Variants in KIAA0825 observed in about 807,000 individuals in gnomAD.
KIAA0825 encodes KIAA0825.
KIAA0825 carries 119 observed loss-of-function variants against 147.6 expected under a neutral mutation model. The ratio of observed to expected loss-of-function variants is 0.81; its 90% CI spans 0.69 to 0.94. The LOEUF (loss-of-function observed/expected upper bound fraction) is 0.94. KIAA0825 is among the 40% of genes least tolerant of loss of function. KIAA0825 has a pLI of 0.00. For synonymous variants in KIAA0825, 470 were observed against 518.1 expected (o/e 0.91, Z 1.26); for missense variants, 1,381 against 1,472.7 (o/e 0.94, Z 1.02).
intron 20 of KIAA0825, among the ~76,000 whole-genome samples, chr5:94,244,887 A>G (rs1775528564): frequency 6.6e-6 from 1 of 152,180 alleles, no homozygotes; most frequent in Non-Finnish European, 1.5e-5. Context: ...TTACATTTAC[A>G]TGGGGTACAT....
intron 13 of KIAA0825, among the ~76,000 whole-genome samples, chr5:94,450,105 A>C (rs1293224486): frequency 6.6e-6 from 1 of 151,982 alleles, no homozygotes; most frequent in Non-Finnish European, 1.5e-5. Flanking sequence ...ATAATTAATA[A>C]AATTAAATTA....
chr5:94,601,947 G>A (rs1031673338), intron 1 of KIAA0825, among the ~76,000 whole-genome samples: 1 of 152,158 alleles, frequency 6.6e-6, no homozygotes, highest in East Asian at 1.9e-4. Flanking sequence ...TGAGGCGAAT[G>A]GAACCAATTT....
chr5:94,310,457 G>A (rs1779059189), intron 20 of KIAA0825, among the ~76,000 whole-genome samples: 1 of 151,652 alleles, frequency 6.6e-6, no homozygotes, highest in Admixed American at 6.6e-5. Flanking sequence ...ATAATTTTAT[G>A]TTCATATATG....
At chr5:94,251,248 T>C (rs983242768) in intron 20 of KIAA0825, among the ~76,000 whole-genome samples, 3 of 152,096 alleles carry the variant, frequency 2.0e-5, no homozygotes, top group Non-Finnish European at 4.4e-5. Context: ...TTAGACTGTG[T>C]TCTGTAAAAG....
In KIAA0825 at chr5:94,575,345, G is replaced by T. The variant is rs181172297; in HGVS notation, c.-2+7088C>A. Among the ~76,000 whole-genome samples the T allele has an allele frequency of 8.6e-5, 13 of 151,748 alleles. No individual in the cohort carries two copies. In the East Asian group the frequency reaches 2.5e-3, roughly 29 times the overall value. ...ATGAAGGTGATGATAAATAGGAAGA[G>T]GATGTGGCCATGACGGAAAAAAAAA... On this transcript the variant is annotated intron_variant, in intron 2 of 20. Transcript: ENST00000682413.
intron 20 of KIAA0825, among the ~76,000 whole-genome samples, chr5:94,161,196 C>T (rs1312343013): frequency 1.3e-5 from 2 of 152,224 alleles, no homozygotes; most frequent in Non-Finnish European, 2.9e-5. Context: ...AAGACTCACG[C>T]TACTGCTACA....
intron 4 of KIAA0825, among the ~76,000 whole-genome samples, chr5:94,521,196 A>G (rs1433884876): frequency 1.3e-5 from 2 of 151,818 alleles, no homozygotes; most frequent in Non-Finnish European, 3.0e-5. Context: ...TATCTACCCA[A>G]TATACCCTGA....
chr5:94,316,869 C>T (rs751018118), intron 20 of KIAA0825, among the ~76,000 whole-genome samples: 81 of 151,674 alleles, frequency 5.3e-4, no homozygotes, highest in Middle Eastern at 3.2e-3. Context: ...AAGCTAACCA[C>T]CCTGTATTAA....
intron 20 of KIAA0825, among the ~76,000 whole-genome samples, chr5:94,206,262 C>A (rs1451962048): frequency 6.6e-6 from 1 of 152,034 alleles, no homozygotes; most frequent in East Asian, 1.9e-4. Flanking sequence ...TTTTCCAGAT[C>A]AATTTTCATC....
chr5:94,197,332 GTTGAT>G (rs199587436), intron 20 of KIAA0825, among the ~76,000 whole-genome samples: 2,047 of 152,076 alleles, frequency 0.013, 22 homozygotes, highest in Non-Finnish European at 0.018. Flanking sequence ...TTTTTTGCTT[GTTGAT>G]TTAAGTTCCT....
chr5:94,452,699 A>G (rs984826806), intron 13 of KIAA0825, among the ~76,000 whole-genome samples: 2 of 152,216 alleles, frequency 1.3e-5, no homozygotes, highest in Non-Finnish European at 2.9e-5. Context: ...CAAGTTTTAA[A>G]ATAAAACTAA....
intron 20 of KIAA0825, among the ~76,000 whole-genome samples, chr5:94,169,181 C>A (rs1012891105): frequency 6.6e-6 from 1 of 152,130 alleles, no homozygotes; most frequent in Admixed American, 6.5e-5. Context: ...AGCTAAAGAG[C>A]CTGTTTACAA....
chr5:94,610,023 T>A (rs1023321243), intron 1 of KIAA0825, among the ~76,000 whole-genome samples: 1 of 152,076 alleles, frequency 6.6e-6, no homozygotes, highest in African/African-American at 2.4e-5. Context: ...CTGAAAAAAT[T>A]TAAAGGAATA....
chr5:94,201,975 C>T (rs948284982), intron 20 of KIAA0825, among the ~76,000 whole-genome samples: 10 of 152,126 alleles, frequency 6.6e-5, no homozygotes, highest in African/African-American at 2.4e-4. Context: ...CCAGGGTGAT[C>T]AGACGTCACT....
intron 3 of KIAA0825, among the ~76,000 whole-genome samples, chr5:94,530,670 T>C (rs1218918706): frequency 6.6e-6 from 1 of 152,160 alleles, no homozygotes; most frequent in Non-Finnish European, 1.5e-5. Flanking sequence ...TTGACAGGCT[T>C]GGATTCAATC....
At chr5:94,472,156 A>G (rs1761280374) in intron 8 of KIAA0825, among the ~76,000 whole-genome samples, 2 of 152,232 alleles carry the variant, frequency 1.3e-5, no homozygotes, top group South Asian at 4.1e-4. Flanking sequence ...GTTTTTAAAA[A>G]TTAAATGCCA....
chr5:94,484,251 A>G (rs1482576798), intron 6 of KIAA0825, among the ~76,000 whole-genome samples: 1 of 151,746 alleles, frequency 6.6e-6, no homozygotes, highest in Non-Finnish European at 1.5e-5. Flanking sequence ...TAGGTATTTT[A>G]TTTTCACTGT....
At chr5:94,221,512 G>A (rs930642656) in intron 20 of KIAA0825, among the ~76,000 whole-genome samples, 1 of 152,132 alleles carries the variant, frequency 6.6e-6, no homozygotes, top group African/African-American at 2.4e-5. Context: ...TCCTGAGTCT[G>A]AGTCCTCACA....
chr5:94,412,402 C>CT (rs946859300), intron 15 of KIAA0825, among the ~76,000 whole-genome samples: 7 of 152,252 alleles, frequency 4.6e-5, no homozygotes, highest in African/African-American at 1.4e-4. Context: ...TTAGTAGTTT[C>CT]TTTTTTTCTT....
Sources: gnomAD v4.1 joint callset for allele counts (sites outside exome capture counted in the v4.1 genomes callset) on GRCh38, gnomAD v4.1.1 for gene constraint, MANE v1.5 for transcripts, NCBI Gene and HGNC (gene_info 2026-07-23, HGNC 2026-07-21) for gene names.